GATM: variants seen among roughly 807,000 people sequenced by gnomAD.
GATM encodes the protein glycine amidinotransferase, also known as glycine amidinotransferase, mitochondrial.
In GATM, 23 loss-of-function variants were observed where a neutral mutation model predicts 54.2. The ratio of observed to expected loss-of-function variants is 0.42; its 90% CI spans 0.31 to 0.60. GATM has a LOEUF of 0.60. Among genes scored for constraint, GATM ranks in the 20% least tolerant of loss-of-function variants. The probability of loss-of-function intolerance (pLI) is 0.14; values close to 1 mark genes in which losing one functional copy is unlikely to be tolerated. For missense variants in GATM, 401 were observed against 544.9 expected (o/e 0.74, Z 2.63); for synonymous variants, 168 against 183.1 (o/e 0.92, Z 0.67).
At chr15:45,366,551 G>A (rs768949946) in intron 4 of GATM, 43 bp from the exon 5 acceptor site, 39 of 1,609,284 alleles carry the variant, frequency 2.4e-5, no homozygotes, top group Admixed American at 6.7e-5. Context: ...ACTGGATCAT[G>A]AGAAAATTAT....
intron 1 of GATM, among the ~76,000 whole-genome samples, chr15:45,401,630 G>T (rs756163544): frequency 6.6e-6 from 1 of 152,156 alleles, no homozygotes; most frequent in African/African-American, 2.4e-5. Flanking sequence ...TCTAATACAG[G>T]ACTTAGTACT....
chr15:45,377,154 TG>T (rs1332724824), intron 1 of GATM: 7 of 455,676 alleles, frequency 1.5e-5, no homozygotes, highest in Non-Finnish European at 3.0e-5. Flanking sequence ...GTTTTGCAGA[TG>T]GGTCAGTCCT....
At chr15:45,375,639 A>G (rs1889619464) in intron 2 of GATM, among the ~76,000 whole-genome samples, 1 of 152,212 alleles carries the variant, frequency 6.6e-6, no homozygotes, top group Non-Finnish European at 1.5e-5. Context: ...GGACTTGACC[A>G]GAAATGAACA....
intron 1 of GATM, chr15:45,377,069 G>A: frequency 1.9e-6 from 1 of 518,476 alleles, no homozygotes. Context: ...CTCCTCAGAA[G>A]ACCGTGTCCC....
chr15:45,394,818 G>T (rs1889910012), intron 3 of GATM, among the ~76,000 whole-genome samples: 1 of 152,136 alleles, frequency 6.6e-6, no homozygotes. Context: ...TTCCCTATCT[G>T]CTCAGTTTGA....
intron 3 of GATM, 135 bp downstream of exon 3, chr15:45,369,191 A>T (rs1889496789): frequency 1.4e-6 from 1 of 701,140 alleles, no homozygotes; most frequent in East Asian, 2.6e-5. Context: ...ACCATTCCTA[A>T]ATAAATCTTT....
Position 45,363,974 on chromosome 15 carries a change from A to G in GATM, c.1085T>C (p.Val362Ala), listed in dbSNP as rs1479969521. The G allele has an allele frequency of 6.2e-7, 1 of 1,613,294 alleles. No individual in the cohort carries two copies. Among genetic ancestry groups the G allele is most frequent in the Non-Finnish European group, 8.5e-7 (1 of 1,179,622 alleles). Residue 362 changes from valine to alanine, a missense_variant, in exon 8 of 9, where the codon GTC (valine) becomes GCC (alanine). Physicochemically the swap from Val to Ala is moderately conservative, Grantham distance 64. Around this residue, in one of 3 missense-constraint regions of GATM, gnomAD observed 321 missense variants for 457.5 expected, o/e 0.70. Coordinates refer to ENST00000396659, the MANE Select transcript of GATM (RefSeq NM_001482.3). ...WMSSKWLSMN[V>A]LMLDEKRVMV... ...AACACGTTTTTCATCTAGCATTAAG[A>G]CATTCATGGAAAGCCATTTGGATGA...
At chr15:45,380,379 G>C (rs867638455), upstream of GATM, 1 of 152,008 alleles carries the variant, frequency 6.6e-6, no homozygotes, top group African/African-American at 2.4e-5. Flanking sequence ...TTAATTTGCT[G>C]TGTGACCTGG....
chr15:45,386,591 C>A (rs191471231), intron 3 of GATM, among the ~76,000 whole-genome samples: 2 of 152,206 alleles, frequency 1.3e-5, no homozygotes, highest in African/African-American at 4.8e-5. Flanking sequence ...GAAGACACTT[C>A]TGCCTATCTC....
At chr15:45,370,038 G>A (rs1171589402) in intron 2 of GATM, among the ~76,000 whole-genome samples, 4 of 152,082 alleles carry the variant, frequency 2.6e-5, no homozygotes, top group African/African-American at 7.2e-5. Flanking sequence ...ATTTTGCCCC[G>A]TTAAGATCAG....
intron 2 of GATM, among the ~76,000 whole-genome samples, chr15:45,371,249 C>T (rs931211748): frequency 9.9e-5 from 15 of 152,130 alleles, no homozygotes; most frequent in Admixed American, 3.9e-4. Context: ...AATCCAGACT[C>T]TAAGAAAAAG....
At chr15:45,387,672 A>G (rs1308570518) in intron 3 of GATM, among the ~76,000 whole-genome samples, 2 of 152,238 alleles carry the variant, frequency 1.3e-5, no homozygotes, top group African/African-American at 4.8e-5. Flanking sequence ...TGTGGAATCA[A>G]TTGCCTAGTC....
intron 3 of GATM, among the ~76,000 whole-genome samples, chr15:45,395,105 G>A (rs183761408): frequency 8.5e-5 from 13 of 152,314 alleles, no homozygotes; most frequent in South Asian, 4.1e-4. Context: ...TGGATGGGGT[G>A]TAGCAAAGCA....
chr15:45,374,617 A>G (rs1272613595), intron 2 of GATM, among the ~76,000 whole-genome samples: 1 of 152,206 alleles, frequency 6.6e-6, no homozygotes, highest in Non-Finnish European at 1.5e-5. Context: ...CTAACTCAGG[A>G]GTCATTTTCT....
chr15:45,394,895 A>G (rs556638253), intron 3 of GATM, among the ~76,000 whole-genome samples: 95 of 152,244 alleles, frequency 6.2e-4, no homozygotes, highest in African/African-American at 2.2e-3. Flanking sequence ...CCAGCGGGTC[A>G]TTTCTTTTGG....
chr15:45,369,511 T>C lies in GATM; in HGVS notation c.299A>G (p.Tyr100Cys), dbSNP rs1339373707. Reference protein sequence around the residue: ...PFTIEVKANTYEKYWPFYQKQ... With the variant: ...PFTIEVKANTCEKYWPFYQKQ... Reference sequence around the variant, plus strand: ...CTGGTAAAATGGCCAGTACTTTTCATATGTGTTGGCCTGGAAGTAGAAGCA... The same window carrying C: ...CTGGTAAAATGGCCAGTACTTTTCACATGTGTTGGCCTGGAAGTAGAAGCA... The change falls in exon 3 of 9, where the codon TAT (tyrosine) becomes TGT (cysteine). Residue 100 changes from tyrosine (Y) to cysteine (C), a missense_variant. Transcript: ENST00000396659. 2 of 1,614,054 alleles carry C rather than the reference T, an allele frequency of 1.2e-6. No individual in the cohort carries two copies. The highest frequency in any genetic ancestry group is 2.2e-5 in the East Asian group (1 of 44,880).
At chr15:45,380,401 T>TTTATCTTTCTAATCAAGGC (rs1889725849), upstream of GATM, 1 of 152,138 alleles carries the variant, frequency 6.6e-6, no homozygotes, top group Admixed American at 6.6e-5. Flanking sequence ...ACCAAATCCC[T>TTTATCTTTCTAATCAAGGC]TTATCTTTCT....
chr15:45,377,849 T>C (rs1395099548), intron 1 of GATM: 1 of 154,474 alleles, frequency 6.5e-6, no homozygotes, highest in African/African-American at 2.4e-5. Context: ...GATCCCATGT[T>C]ATACTTGGAG....
rs565751935 is a variant in GATM, at chr15:45,368,719, A to G, written c.485-459T>C. Among the ~76,000 whole-genome samples the G allele has an allele frequency of 2.0e-5, 3 of 151,808 alleles. No individual in the cohort carries two copies. Among genetic ancestry groups the G allele is most frequent in the Admixed American group, 6.6e-5 (1 of 15,208 alleles). On this transcript the variant is annotated intron_variant, in intron 3 of 8. Transcript: ENST00000396659. This position sits in a 1 kb window ranked among gnomAD's most constrained non-coding sequence, Gnocchi z 5.1. ...TATATGAAAATAGCAAAAAATTCGA[A>G]TAACACATACTAGATTGTTAACATG...
Sources: gnomAD v4.1 joint callset for allele counts (sites outside exome capture counted in the v4.1 genomes callset) on GRCh38, gnomAD v4.1.1 for gene constraint, gnomAD v4.1.1 regional missense constraint, Gnocchi (gnomAD v3.1) non-coding constraint, MANE v1.5 for transcripts, NCBI Gene and HGNC (gene_info 2026-07-23, HGNC 2026-07-21) for gene names.